The following FARS2 variants were observed in gnomAD, a reference collection of about 807,000 sequenced individuals.
The protein encoded by FARS2 is phenylalanyl-tRNA synthetase 2, mitochondrial.
A neutral mutation model predicts 46.4 loss-of-function variants in FARS2; 40 were observed. That is an observed-to-expected ratio of 0.86 (90% CI 0.67 to 1.12). The LOEUF is 1.12. FARS2 is among the 50% of genes most tolerant of loss of function. FARS2 has a pLI of 0.00. For missense variants in FARS2, 513 were observed against 567.9 expected (o/e 0.90, Z 0.98); for synonymous variants, 234 against 214.9 (o/e 1.09, Z -0.78).
chr6:5,718,554 C>T (rs182428314), intron 6 of FARS2, among the ~76,000 whole-genome samples: 65 of 152,310 alleles, frequency 4.3e-4, no homozygotes, highest in Non-Finnish European at 2.8e-4. Context: ...CTTACATATA[C>T]ACACAAGAGA....
chr6:5,299,099 A>G (rs764532324), intron 1 of FARS2, among the ~76,000 whole-genome samples: 1 of 152,202 alleles, frequency 6.6e-6, no homozygotes, highest in African/African-American at 2.4e-5. Context: ...GCGTTTTGGA[A>G]GATAAAGAGC....
At chr6:5,730,264 AAG>A (rs147119905) in intron 6 of FARS2, among the ~76,000 whole-genome samples, 1 of 152,198 alleles carries the variant, frequency 6.6e-6, no homozygotes, top group Non-Finnish European at 1.5e-5. Context: ...CCTTTCTAGA[AAG>A]AGAGAGAGAC....
intron 3 of FARS2, among the ~76,000 whole-genome samples, chr6:5,422,245 G>A (rs889962002): frequency 6.6e-6 from 1 of 152,164 alleles, no homozygotes; most frequent in Non-Finnish European, 1.5e-5. Context: ...CCATGATTCA[G>A]TTACCTCCCA....
At chr6:5,449,234 A>G (rs559637498) in intron 4 of FARS2, among the ~76,000 whole-genome samples, 89 of 151,954 alleles carry the variant, frequency 5.9e-4, no homozygotes, top group Non-Finnish European at 1.2e-3. Flanking sequence ...CTGTAATACC[A>G]GCTACTCGGG....
chr6:5,362,537 A>G (rs368908649), intron 1 of FARS2, among the ~76,000 whole-genome samples: 2 of 152,184 alleles, frequency 1.3e-5, no homozygotes, highest in South Asian at 4.1e-4. Context: ...GCTGCAGTGA[A>G]CAAGGGGGTG....
At chr6:5,359,001 C>T (rs1581875573) in intron 1 of FARS2, among the ~76,000 whole-genome samples, 1 of 138,896 alleles carries the variant, frequency 7.2e-6, no homozygotes, top group African/African-American at 2.7e-5. Flanking sequence ...AGTCATTTCT[C>T]AATCGAATTA....
intron 1 of FARS2, among the ~76,000 whole-genome samples, chr6:5,338,797 T>C (rs1771350468): frequency 6.6e-6 from 1 of 152,192 alleles, no homozygotes; most frequent in Admixed American, 6.5e-5. Context: ...ATCACCCTTG[T>C]TTGTTGAACG....
intron 6 of FARS2, among the ~76,000 whole-genome samples, chr6:5,717,621 G>A (rs1197787089): frequency 6.6e-6 from 1 of 151,980 alleles, no homozygotes. Flanking sequence ...ACTACTTCAT[G>A]AGTGGTGTAT....
At chr6:5,297,700 C>T (rs1395648324) in intron 1 of FARS2, among the ~76,000 whole-genome samples, 1 of 152,114 alleles carries the variant, frequency 6.6e-6, no homozygotes, top group Admixed American at 6.5e-5. Flanking sequence ...GCAACAACAA[C>T]AACAACGAAA....
chr6:5,623,080 C>G (rs1775855355), intron 6 of FARS2, among the ~76,000 whole-genome samples: 1 of 152,156 alleles, frequency 6.6e-6, no homozygotes, highest in South Asian at 2.1e-4. Context: ...ACTTTTGGAG[C>G]CTTAGTTTCC....
intron 1 of FARS2, among the ~76,000 whole-genome samples, chr6:5,340,971 C>T (rs113011448): frequency 0.046 from 7,002 of 151,378 alleles, 171 homozygotes; most frequent in Middle Eastern, 0.14. Context: ...CATGATGAAA[C>T]CCCGTCTCTG....
intron 1 of FARS2, among the ~76,000 whole-genome samples, chr6:5,277,202 T>G (rs905368973): frequency 7.4e-5 from 11 of 148,648 alleles, no homozygotes; most frequent in Admixed American, 2.0e-4. Flanking sequence ...GTTCACAGTT[T>G]TGTTTTTTTT....
intron 1 of FARS2, among the ~76,000 whole-genome samples, chr6:5,362,006 TACAGCA>T (rs1758335889): frequency 6.6e-6 from 1 of 152,044 alleles, no homozygotes; most frequent in East Asian, 1.9e-4. Context: ...AAAGAATGCT[TACAGCA>T]TTCTGAATGT....
chr6:5,525,985 T>C (rs189432746), intron 4 of FARS2, among the ~76,000 whole-genome samples: 1 of 152,366 alleles, frequency 6.6e-6, no homozygotes, highest in Non-Finnish European at 1.5e-5. Context: ...TGTTTTCTTT[T>C]TGGAAAGGTT....
intron 6 of FARS2, among the ~76,000 whole-genome samples, chr6:5,654,894 C>G (rs953153230): frequency 1.2e-4 from 19 of 152,144 alleles, no homozygotes; most frequent in African/African-American, 4.6e-4. Context: ...AGGATGAAGA[C>G]CTTTATGATA....
intron 5 of FARS2, among the ~76,000 whole-genome samples, chr6:5,580,501 C>T (rs979708883): frequency 6.6e-6 from 1 of 152,154 alleles, no homozygotes; most frequent in African/African-American, 2.4e-5. Context: ...CCTGTCCTAA[C>T]AGCTGCACCC....
At chr6:5,604,741 A>G (rs899755709) in intron 5 of FARS2, among the ~76,000 whole-genome samples, 1 of 151,938 alleles carries the variant, frequency 6.6e-6, no homozygotes, top group Non-Finnish European at 1.5e-5. Flanking sequence ...ATATGTACAT[A>G]CATGTATATA....
chr6:5,370,565 G>T (rs72815656), intron 2 of FARS2, among the ~76,000 whole-genome samples: 16 of 152,178 alleles, frequency 1.1e-4, no homozygotes, highest in Non-Finnish European at 2.4e-4. Context: ...ATGACGTCCA[G>T]GTCACAGTAG....
chr6:5,351,948 A>AT (rs1431159322), intron 1 of FARS2, among the ~76,000 whole-genome samples: 5 of 152,208 alleles, frequency 3.3e-5, no homozygotes, highest in African/African-American at 1.2e-4. Flanking sequence ...CTATAAAAAG[A>AT]TGCCACCATG....
Sources: allele counts gnomAD v4.1 joint callset (sites outside exome capture counted in the v4.1 genomes callset), GRCh38; gene constraint gnomAD v4.1.1; transcripts MANE v1.5; gene names NCBI Gene and HGNC (gene_info 2026-07-23, HGNC 2026-07-21).